Variants in PITPNC1 observed in about 807,000 individuals in gnomAD.
PITPNC1 encodes cytoplasmic phosphatidylinositol transfer protein 1.
Under a neutral mutation model 44.7 loss-of-function variants are expected in PITPNC1, and 18 were observed. The ratio of observed to expected loss-of-function variants is 0.40; its 90% confidence interval spans 0.28 to 0.60. The LOEUF (loss-of-function observed/expected upper bound fraction) is 0.60. Ranked by LOEUF, PITPNC1 falls within the 20% of genes least tolerant of loss-of-function variation. The pLI, the probability that PITPNC1 is intolerant of heterozygous loss-of-function variation, is 0.39. For missense variants in PITPNC1, 290 were observed against 418.4 expected, an observed-to-expected ratio of 0.69 and a Z score of 2.68; for synonymous variants, 141 against 149.6, an observed-to-expected ratio of 0.94 and a Z score of 0.42.
intron 5 of PITPNC1, among the ~76,000 whole-genome samples, chr17:67,614,299 A>C (rs2041729477): frequency 6.6e-6 from 1 of 152,144 alleles, no homozygotes; most frequent in Non-Finnish European, 1.5e-5. Flanking sequence ...ATGAGATTCC[A>C]GAATAAAGAT....
At chr17:67,688,643 C>T (rs1053234652) in intron 8 of PITPNC1, among the ~76,000 whole-genome samples, 2 of 152,048 alleles carry the variant, frequency 1.3e-5, no homozygotes, top group African/African-American at 4.8e-5. Context: ...AGTAGGACTT[C>T]CCCCTAGAAG....
At chr17:67,647,477 T>G (rs894758902) in intron 6 of PITPNC1, among the ~76,000 whole-genome samples, 51 of 113,048 alleles carry the variant, frequency 4.5e-4, no homozygotes, top group Non-Finnish European at 6.3e-4. Context: ...TTTTTTTTTT[T>G]TTTTTTTTTT....
At chr17:67,405,531 A>G (rs1396827448) in intron 1 of PITPNC1, among the ~76,000 whole-genome samples, 1 of 152,020 alleles carries the variant, frequency 6.6e-6, no homozygotes, top group Non-Finnish European at 1.5e-5. Context: ...GTATGAATCA[A>G]TTTACCCATA....
chr17:67,589,334 G>C (rs959645533), intron 5 of PITPNC1, among the ~76,000 whole-genome samples: 1 of 152,220 alleles, frequency 6.6e-6, no homozygotes, highest in Non-Finnish European at 1.5e-5. Context: ...ACTTACCGCG[G>C]ATAATCATTA....
intron 5 of PITPNC1, among the ~76,000 whole-genome samples, chr17:67,615,108 A>G (rs1306245406): frequency 6.6e-6 from 1 of 152,210 alleles, no homozygotes; most frequent in Non-Finnish European, 1.5e-5. Context: ...TCTTCTGGGC[A>G]GCTGCCCTGG....
At chr17:67,651,674 T>C (rs551732400) in intron 6 of PITPNC1, among the ~76,000 whole-genome samples, 3 of 152,290 alleles carry the variant, frequency 2.0e-5, no homozygotes, top group African/African-American at 7.2e-5. Flanking sequence ...AAACCTCATA[T>C]GTTTTAGCTA....
chr17:67,537,799 G>T (rs1258977772), intron 2 of PITPNC1, among the ~76,000 whole-genome samples: 12 of 120,586 alleles, frequency 1.0e-4, no homozygotes, highest in African/African-American at 3.7e-4. Context: ...GTGGAACCCC[G>T]TCTCTACTAA....
At chr17:67,502,197 A>G (rs1400822948) in intron 1 of PITPNC1, among the ~76,000 whole-genome samples, 2 of 152,188 alleles carry the variant, frequency 1.3e-5, no homozygotes, top group Non-Finnish European at 2.9e-5. Context: ...TCCTATTACC[A>G]TAGTTGAACC....
At chr17:67,570,611 G>A (rs754112230) in intron 4 of PITPNC1, among the ~76,000 whole-genome samples, 1 of 152,112 alleles carries the variant, frequency 6.6e-6, no homozygotes, top group African/African-American at 2.4e-5. Context: ...CTGGACATTC[G>A]TTATCTCTTT....
At chr17:67,519,164 G>C (rs1314951412) in intron 1 of PITPNC1, among the ~76,000 whole-genome samples, 1 of 143,006 alleles carries the variant, frequency 7.0e-6, no homozygotes, top group African/African-American at 2.6e-5. Context: ...GTTCACAGCA[G>C]CATTCTGTTT....
chr17:67,382,750 G>A (rs890288899), intron 1 of PITPNC1, among the ~76,000 whole-genome samples: 8 of 151,846 alleles, frequency 5.3e-5, no homozygotes, highest in Admixed American at 2.6e-4. Context: ...TCAGCCTCCC[G>A]AGTAGCTGGG....
At chr17:67,502,775 ATTGT>A (rs1342782568) in intron 1 of PITPNC1, among the ~76,000 whole-genome samples, 1 of 151,096 alleles carries the variant, frequency 6.6e-6, no homozygotes, top group Admixed American at 6.6e-5. Context: ...ATTGTATTGT[ATTGT>A]ATTGTATTGT....
At chr17:67,396,368 TTTTC>T (rs1188003024) in intron 1 of PITPNC1, among the ~76,000 whole-genome samples, 6 of 152,154 alleles carry the variant, frequency 3.9e-5, no homozygotes, top group South Asian at 2.1e-4. Flanking sequence ...TTATTTTTAT[TTTTC>T]TTTCTTTCTT....
chr17:67,647,164 T>C (rs2042157856), intron 6 of PITPNC1, among the ~76,000 whole-genome samples: 1 of 152,288 alleles, frequency 6.6e-6, no homozygotes, highest in Non-Finnish European at 1.5e-5. Context: ...CCACTCCTCA[T>C]CTTTGGGGAG....
intron 5 of PITPNC1, among the ~76,000 whole-genome samples, chr17:67,594,347 A>G (rs2041433161): frequency 2.0e-5 from 3 of 151,978 alleles, no homozygotes; most frequent in African/African-American, 7.3e-5. Context: ...TTCAGAGTGG[A>G]CTCTTGGAGA....
rs574458491 is a variant in PITPNC1 at position 67,694,602 on chromosome 17, T to C, written c.*1714T>C. 1 of 152,170 alleles carries C rather than the reference T, an allele frequency of 6.6e-6. No homozygotes were observed. The highest frequency in any genetic ancestry group is 2.4e-5 in the African/African-American group (1 of 41,528). 9.4% of individuals were successfully genotyped at this position (152,170 alleles called of 1,614,324 possible). A position where few individuals can be genotyped will look rare whatever the true frequency, so the allele number is the denominator to read the frequency against. The stretch of plus-strand genomic sequence containing the variant: ...ACTGTCAAGATCATTTCTTTATCTA[T>C]AGGTTGATATTTAGCTTAAAAAAAA... On this transcript the variant is annotated 3_prime_UTR_variant, in exon 9 of 9. Transcript: ENST00000581322.
intron 6 of PITPNC1, among the ~76,000 whole-genome samples, chr17:67,654,176 G>A (rs182190077): frequency 1.3e-5 from 2 of 152,242 alleles, no homozygotes; most frequent in Non-Finnish European, 2.9e-5. Context: ...GAAGACTGTC[G>A]GTTCACCTGG....
intron 1 of PITPNC1, among the ~76,000 whole-genome samples, chr17:67,424,789 A>G (rs1598643870): frequency 1.3e-5 from 2 of 148,984 alleles, no homozygotes; most frequent in Non-Finnish European, 3.0e-5. Context: ...TCCGCCTCCT[A>G]GGTTCAGGCG....
At chr17:67,435,198 G>A (rs571936755) in intron 1 of PITPNC1, among the ~76,000 whole-genome samples, 6 of 151,148 alleles carry the variant, frequency 4.0e-5, no homozygotes, top group Non-Finnish European at 5.9e-5. Context: ...GGCAAATTAC[G>A]CAACCTCAGT....
Sources: allele counts gnomAD v4.1 joint callset (sites outside exome capture counted in the v4.1 genomes callset), GRCh38; gene constraint gnomAD v4.1.1; transcripts MANE v1.5; gene names NCBI Gene and HGNC (gene_info 2026-07-23, HGNC 2026-07-21).